The following SYNE1 variants were observed in gnomAD, a reference collection of about 807,000 sequenced individuals.
SYNE1 encodes the protein spectrin repeat containing nuclear envelope protein 1, also known as nesprin-1.
SYNE1 carries 616 observed loss-of-function variants against 1,111.0 expected under a neutral mutation model. That is an observed-to-expected ratio of 0.55 (90% CI 0.52 to 0.59). The LOEUF (loss-of-function observed/expected upper bound fraction) is 0.59. Ranked by LOEUF, SYNE1 falls within the 20% of genes least tolerant of loss-of-function variation. The probability of loss-of-function intolerance (pLI) is 0.00; values close to 1 mark genes in which losing one functional copy is unlikely to be tolerated. For missense variants in SYNE1, 10,006 were observed against 10,417.0 expected, an observed-to-expected ratio of 0.96 and a Z score of 1.72; for synonymous variants, 3,855 against 3,825.8, an observed-to-expected ratio of 1.01 and a Z score of -0.28.
At position 152,492,028 on chromosome 6, in the gene SYNE1, A is replaced by C. The variant is rs2098973274; in HGVS notation, c.940-3525T>G. Among the ~76,000 whole-genome samples, 3 of 152,180 alleles carry C rather than the reference A, an allele frequency of 2.0e-5. No homozygotes were observed. In the South Asian group the frequency reaches 6.2e-4, roughly 32 times the overall value. On this transcript the variant is annotated intron_variant, in intron 11 of 145. Transcript: ENST00000367255. Reference sequence around the variant, plus strand: ...CTCTTACAGAGGTGGCTGCAGCTCAAGGCAGAGTCAAGGTTAACCCTCCTT... The same window carrying C: ...CTCTTACAGAGGTGGCTGCAGCTCACGGCAGAGTCAAGGTTAACCCTCCTT...
chr6:152,633,508 T>C (rs914856565), intron 2 of SYNE1, among the ~76,000 whole-genome samples: 2 of 152,070 alleles, frequency 1.3e-5, no homozygotes, highest in African/African-American at 4.8e-5. Flanking sequence ...AATGGAAAAG[T>C]CCAGGCTACT....
At chr6:152,518,401 C>T (rs746281918) in intron 6 of SYNE1, among the ~76,000 whole-genome samples, 2 of 151,922 alleles carry the variant, frequency 1.3e-5, no homozygotes, top group Non-Finnish European at 2.9e-5. Context: ...AGTGAGTTCT[C>T]GTAAGACGTG....
At position 152,599,428 on chromosome 6, in the gene SYNE1, A is replaced by C. The variant is rs145936959; in HGVS notation, c.67+28837T>G. 3.3e-3 allele frequency among the ~76,000 whole-genome samples: 502 copies of C among 152,324 alleles called. 4 individuals carry two copies. Among genetic ancestry groups the C allele is most frequent in the African/African-American group, 0.011 (473 of 41,572 alleles). ...TGAGCAGTCCTACATTGGTGACACT[A>C]TCAGATCAAAGAACTAAAAATGTCT... On this transcript the variant is annotated intron_variant, in intron 3 of 145. Coordinates refer to ENST00000367255, the MANE Select transcript of SYNE1 (RefSeq NM_182961.4).
chr6:152,547,524 G>A (rs1015723742), intron 3 of SYNE1, among the ~76,000 whole-genome samples: 18 of 152,206 alleles, frequency 1.2e-4, no homozygotes, highest in Admixed American at 1.0e-3. Flanking sequence ...AACATTATAA[G>A]GTGCTGGAAG....
intron 4 of SYNE1, among the ~76,000 whole-genome samples, chr6:152,528,864 A>T: frequency 6.6e-6 from 1 of 152,326 alleles, no homozygotes; most frequent in African/African-American, 2.4e-5. Context: ...AATATGAATT[A>T]CATTTATGGG....
intron 96 of SYNE1, among the ~76,000 whole-genome samples, chr6:152,283,443 G>A (rs563812570): frequency 3.8e-4 from 58 of 152,102 alleles, no homozygotes; most frequent in Non-Finnish European, 6.9e-4. Flanking sequence ...AATATTTCAC[G>A]CCTGAAATGA....
In SYNE1 at chr6:152,290,150, ATGTCCC is replaced by A. The variant is rs140971911; in HGVS notation, c.18012+3432_18012+3437del. Among the ~76,000 whole-genome samples, 1,062 of 152,330 alleles carry A rather than the reference ATGTCCC, an allele frequency of 7.0e-3. 4 individuals carry two copies. The highest frequency in any genetic ancestry group is 0.02 in the Middle Eastern group (6 of 294). On this transcript the variant is annotated intron_variant, in intron 95 of 145. Transcript: ENST00000367255. Reference sequence around the variant, plus strand: ...ATCACTGAGCTTTGTGTGGCAACACATGTCCCTAAAGCATCAGATGCCCATGATAAT... The same window carrying A: ...ATCACTGAGCTTTGTGTGGCAACACATAAAGCATCAGATGCCCATGATAAT...
At chr6:152,195,255 T>C (rs917505286) in intron 127 of SYNE1, among the ~76,000 whole-genome samples, 1 of 152,226 alleles carries the variant, frequency 6.6e-6, no homozygotes, top group Admixed American at 6.5e-5. Context: ...GTCTGAAAGG[T>C]TGCATATATC....
chr6:152,612,471 C>T (rs2099634100), intron 3 of SYNE1, among the ~76,000 whole-genome samples: 1 of 152,158 alleles, frequency 6.6e-6, no homozygotes. Flanking sequence ...CCTGAATAGA[C>T]CAATAACAGG....
chr6:152,540,899 A>G (rs2099266284), intron 3 of SYNE1, among the ~76,000 whole-genome samples: 1 of 152,240 alleles, frequency 6.6e-6, no homozygotes, highest in African/African-American at 2.4e-5. Flanking sequence ...GACAGAGCCC[A>G]AAAGTGGATT....
intron 130 of SYNE1, among the ~76,000 whole-genome samples, chr6:152,171,496 C>A (rs1387416550): frequency 6.6e-6 from 1 of 152,076 alleles, no homozygotes; most frequent in Admixed American, 6.5e-5. Flanking sequence ...ACTGATCACA[C>A]AAGATTTCAC....
chr6:152,211,669 T>C, intron 123 of SYNE1, 81 bp from the exon 124 acceptor site: 2 of 1,249,734 alleles, frequency 1.6e-6, no homozygotes, highest in South Asian at 2.5e-5. Context: ...CCAAATATTC[T>C]AGTTTTCGCA....
chr6:152,565,511 C>G (rs776517788), intron 3 of SYNE1, among the ~76,000 whole-genome samples: 6 of 152,088 alleles, frequency 3.9e-5, no homozygotes, highest in Non-Finnish European at 4.4e-5. Context: ...AAGTGTCTGA[C>G]GACCCAATAC....
Position 152,323,496 on chromosome 6 carries a change from A to C in SYNE1, c.15899T>G (p.Met5300Arg). 6.2e-7 allele frequency: 1 copy of C among 1,614,044 alleles called. No individual in the cohort carries two copies. The highest frequency in any genetic ancestry group is 8.5e-7 in the Non-Finnish European group (1 of 1,180,042). Residue 5300 changes from methionine (M) to arginine (R), a missense_variant, in exon 82 of 146, where the codon ATG (methionine) becomes AGG (arginine). By Grantham distance (91) the Met-to-Arg change is moderately conservative. Transcript: ENST00000367255. ...EPPLMQEITA[M>R]QDRCLNMQEK... The stretch of plus-strand genomic sequence containing the variant: ...TAATTACTTCAGGCACCGATCTTGC[A>C]TGGCGGTGATTTCCTGCATGAGCGG...
At chr6:152,450,541 A>G in intron 27 of SYNE1, 84 bp downstream of exon 27, 6 of 1,177,174 alleles carry the variant, frequency 5.1e-6, no homozygotes, top group East Asian at 4.7e-5. Flanking sequence ...ATATGAAATA[A>G]GTTATTTCTT....
intron 127 of SYNE1, among the ~76,000 whole-genome samples, chr6:152,193,870 G>A (rs141947334): frequency 0.015 from 2,201 of 151,726 alleles, 22 homozygotes; most frequent in Non-Finnish European, 0.022. Context: ...AAAATTAGCC[G>A]GGCGTGGTGG....
Position 152,189,368 on chromosome 6 carries a change from T to A in SYNE1, c.23185A>T (p.Thr7729Ser). 1 of 1,614,042 alleles carries A rather than the reference T, an allele frequency of 6.2e-7. No individual in the cohort carries two copies. The highest frequency in any genetic ancestry group is 8.5e-7 in the Non-Finnish European group (1 of 1,179,998). ...NAVGSWTDDL[T>S]QLSLLKDTLS... Reference sequence around the variant, plus strand: ...GTGTCCTTCAGCAGGCTCAACTGGGTCAAGTCATCTGTCCAGCTCCCAACT... The same window carrying A: ...GTGTCCTTCAGCAGGCTCAACTGGGACAAGTCATCTGTCCAGCTCCCAACT... The change falls in exon 128 of 146, where the codon ACC becomes TCC. Residue 7729 changes from threonine (T) to serine (S), a missense_variant. By Grantham distance (58) the Thr-to-Ser change is moderately conservative (BLOSUM62 1). This residue lies in a region of SYNE1 where 2,182 missense variants were observed against 2,287.8 expected (regional missense o/e 0.95). Coordinates refer to ENST00000367255, the MANE Select transcript of SYNE1 (RefSeq NM_182961.4).
At position 152,381,276 on chromosome 6, in the gene SYNE1, G is replaced by A; in HGVS notation, c.8739C>T (p.Ala2913=). The change falls in exon 56 of 146, where the codon GCC becomes GCT. Residue 2913 remains alanine (A), a synonymous_variant. Coordinates refer to ENST00000367255, the MANE Select transcript of SYNE1 (RefSeq NM_182961.4). ...CCGTGTGCATGAGCTCACACCCACT[G>A]GCAGTTGTGTTCTGTTTCACTTCGG... ...LAPEVKQNTT[A]SGCELMHTEM... 6.2e-7 allele frequency: 1 copy of A among 1,614,214 alleles called. No homozygotes were observed. The highest frequency in any genetic ancestry group is 8.5e-7 in the Non-Finnish European group (1 of 1,180,046).
At chr6:152,168,480 G>A in intron 130 of SYNE1, 2 of 391,788 alleles carry the variant, frequency 5.1e-6, no homozygotes, top group African/African-American at 2.0e-5. Flanking sequence ...GTAAGGAGGA[G>A]GAAGCTACAG....
Sources: gnomAD v4.1 joint callset for allele counts (sites outside exome capture counted in the v4.1 genomes callset) on GRCh38, gnomAD v4.1.1 for gene constraint, gnomAD v4.1.1 regional missense constraint, MANE v1.5 for transcripts, NCBI Gene and HGNC (gene_info 2026-07-23, HGNC 2026-07-21) for gene names.